COX15: variants seen among roughly 807,000 people sequenced by gnomAD.
COX15 encodes heme A synthase COX15.
COX15 carries 51 observed loss-of-function variants against 51.9 expected under a neutral mutation model. The ratio of observed to expected loss-of-function variants is 0.98; its 90% CI spans 0.78 to 1.24. COX15 has a LOEUF of 1.24. Among genes scored for constraint, COX15 ranks in the 50% most tolerant of loss-of-function variants. The probability of loss-of-function intolerance (pLI) is 0.00; values close to 1 mark genes in which losing one functional copy is unlikely to be tolerated. For missense variants in COX15, 420 were observed against 501.1 expected, an observed-to-expected ratio of 0.84 and a Z score of 1.55; for synonymous variants, 188 against 190.5, an observed-to-expected ratio of 0.99 and a Z score of 0.11.
Position 99,716,475 on chromosome 10 carries a change from A to G in COX15, c.988-14T>C. The G allele has an allele frequency of 6.4e-7, 1 of 1,561,082 alleles. No individual in the cohort carries two copies. Among genetic ancestry groups the G allele is most frequent in the East Asian group, 2.2e-5 (1 of 44,572 alleles). ...TGAAGTGATTCCCTGCAGGGAAGAA[A>G]GAGTCTATCACATTAGATAGAAGTG... is the stretch of plus-strand genomic sequence containing the variant. On this transcript the variant is annotated splice_polypyrimidine_tract_variant and intron_variant, in intron 7 of 8. Coordinates refer to ENST00000016171, the MANE Select transcript of COX15 (RefSeq NM_078470.6).
downstream of COX15, among the ~76,000 whole-genome samples, chr10:99,708,394 G>A (rs537840225): frequency 2.0e-5 from 3 of 152,290 alleles, no homozygotes; most frequent in East Asian, 5.8e-4. Flanking sequence ...CAAGTGAGTG[G>A]TATCACTTAA....
downstream of COX15, chr10:99,710,066 G>A: frequency 2.0e-6 from 2 of 985,430 alleles, no homozygotes; most frequent in Non-Finnish European, 2.4e-6. Context: ...CTTCAGGCTA[G>A]CATAAAGACA....
At chr10:99,704,624 T>C in the COX15 span, 86 of 1,614,086 alleles carry the variant, frequency 5.3e-5, 1 homozygote, top group South Asian at 7.7e-4. Context: ...CTCAGCTCCA[T>C]TGGACTTGCT....
downstream of COX15, chr10:99,710,350 G>A (rs2036341227): frequency 6.1e-6 from 6 of 985,252 alleles, no homozygotes; most frequent in South Asian, 2.3e-4. Context: ...TTACCCTTTA[G>A]TTGAAGTCCT....
the COX15 span, among the ~76,000 whole-genome samples, chr10:99,694,542 T>TG: frequency 1.1e-4 from 17 of 150,586 alleles, no homozygotes; most frequent in African/African-American, 3.2e-4. Flanking sequence ...TTTTTTGTTT[T>TG]TTTTTTTTTT....
the COX15 span, among the ~76,000 whole-genome samples, chr10:99,701,877 G>A: frequency 6.6e-6 from 1 of 151,722 alleles, no homozygotes; most frequent in African/African-American, 2.4e-5. Flanking sequence ...GCGAAACCCT[G>A]TCTCCACTAA....
At chr10:99,696,250 A>G in the COX15 span, 4 of 1,076,562 alleles carry the variant, frequency 3.7e-6, no homozygotes, top group African/African-American at 1.6e-5. Context: ...ACCCCTGCCA[A>G]TGGGGTAGCA....
intron 4 of COX15, 108 bp from the exon 5 acceptor site, chr10:99,724,231 G>A (rs1219540084): frequency 1.6e-6 from 2 of 1,267,554 alleles, no homozygotes; most frequent in South Asian, 1.2e-5. Flanking sequence ...TCACCAGGCT[G>A]GAGTGCAGTG....
the COX15 span, chr10:99,698,621 G>C: frequency 6.2e-7 from 1 of 1,614,202 alleles, no homozygotes; most frequent in South Asian, 1.1e-5. Context: ...TGGTGGAGAG[G>C]AACAGCCAAG....
chr10:99,701,392 A>G, the COX15 span, among the ~76,000 whole-genome samples: 7 of 151,470 alleles, frequency 4.6e-5, no homozygotes, highest in African/African-American at 1.7e-4. Flanking sequence ...GGTTCCAGCG[A>G]TTCTCCTGCC....
At chr10:99,723,845 T>C in intron 5 of COX15, 111 bp downstream of exon 5, 2 of 1,257,352 alleles carry the variant, frequency 1.6e-6, no homozygotes, top group Admixed American at 1.8e-5. Flanking sequence ...CAATAGAAAA[T>C]GTTGGCAAAA....
At chr10:99,719,902 G>C (rs2036705116) in intron 6 of COX15, among the ~76,000 whole-genome samples, 2 of 152,080 alleles carry the variant, frequency 1.3e-5, no homozygotes, top group Admixed American at 6.5e-5. Context: ...TTTTAGTCCA[G>C]AGCAGTACTA....
intron 5 of COX15, among the ~76,000 whole-genome samples, 180 bp downstream of exon 5, chr10:99,723,776 G>T (rs188832005): frequency 6.6e-6 from 1 of 152,074 alleles, no homozygotes; most frequent in African/African-American, 2.4e-5. Flanking sequence ...AAGCGACTGG[G>T]ATATTTCTTG....
chr10:99,729,221 G>C (rs1384363307), intron 2 of COX15, among the ~76,000 whole-genome samples: 1 of 152,140 alleles, frequency 6.6e-6, no homozygotes, highest in Non-Finnish European at 1.5e-5. Flanking sequence ...TGGCACTTTG[G>C]GAGGCCGAGG....
intron 5 of COX15, among the ~76,000 whole-genome samples, chr10:99,722,498 G>T (rs1200025738): frequency 6.6e-6 from 1 of 152,020 alleles, no homozygotes; most frequent in Non-Finnish European, 1.5e-5. Flanking sequence ...TCATTAAGAT[G>T]AATTCATTTT....
intron 6 of COX15, among the ~76,000 whole-genome samples, chr10:99,719,613 CCT>C (rs2036695893): frequency 6.6e-6 from 1 of 152,080 alleles, no homozygotes; most frequent in Non-Finnish European, 1.5e-5. Flanking sequence ...GCCTCAGCCC[CCT>C]GAGTAGCTGA....
At chr10:99,705,019 G>A in the COX15 span, 1 of 281,056 alleles carries the variant, frequency 3.6e-6, no homozygotes, top group Non-Finnish European at 6.9e-6. Context: ...ATGAAGTTTG[G>A]CATTTGGCAC....
In COX15 at chr10:99,712,791, C is replaced by G. The variant is rs909924190; in HGVS notation, c.*1796G>C. 2.2e-5 allele frequency: 7 copies of G among 322,558 alleles called. No homozygotes were observed. Among genetic ancestry groups the G allele is most frequent in the Non-Finnish European group, 3.1e-5 (7 of 222,452 alleles). The allele number at this position is 322,558 out of a possible 1,614,324, so 20.0% of individuals were successfully genotyped here. A position where few individuals can be genotyped will look rare whatever the true frequency, so the allele number is the denominator to read the frequency against. On this transcript the variant is annotated 3_prime_UTR_variant, in exon 9 of 9. Coordinates refer to ENST00000016171, the MANE Select transcript of COX15 (RefSeq NM_078470.6). Reference sequence around the variant, plus strand: ...CAGTGAGCATTTGATTTGGTCTACCCTACTCTTGCCTTCTACAGAACTAAA... The same window carrying G: ...CAGTGAGCATTTGATTTGGTCTACCGTACTCTTGCCTTCTACAGAACTAAA...
At chr10:99,706,975 A>G (rs1293352986), downstream of COX15, among the ~76,000 whole-genome samples, 3 of 152,262 alleles carry the variant, frequency 2.0e-5, no homozygotes, top group African/African-American at 7.2e-5. Flanking sequence ...GAAAGCTCTT[A>G]TTAGTATTCT....
Sources: allele counts gnomAD v4.1 joint callset (sites outside exome capture counted in the v4.1 genomes callset), GRCh38; gene constraint gnomAD v4.1.1; transcripts MANE v1.5; gene names NCBI Gene and HGNC (gene_info 2026-07-23, HGNC 2026-07-21).